The following TENM2 variants were observed in gnomAD, a reference collection of about 807,000 sequenced individuals.
TENM2 encodes the protein teneurin-2.
Under a neutral mutation model 245.2 loss-of-function variants are expected in TENM2, and 52 were observed. That is an observed-to-expected ratio of 0.21 (90% confidence interval 0.17 to 0.27). The LOEUF (loss-of-function observed/expected upper bound fraction) is 0.27, where lower values mean the gene tolerates loss of function less well. TENM2 is among the 10% of genes least tolerant of loss of function. The probability of loss-of-function intolerance (pLI) is 1.00; values close to 1 mark genes in which losing one functional copy is unlikely to be tolerated. For missense variants in TENM2, 3,046 were observed against 3,666.8 expected (o/e 0.83, Z 4.37); for synonymous variants, 1,363 against 1,438.9 (o/e 0.95, Z 1.19).
chr5:167,847,611 C>T (rs1052011414), intron 2 of TENM2, among the ~76,000 whole-genome samples: 12 of 152,340 alleles, frequency 7.9e-5, no homozygotes, highest in African/African-American at 2.9e-4. Context: ...CATACCTTCA[C>T]CTCACTGAAA....
intron 2 of TENM2, among the ~76,000 whole-genome samples, chr5:167,758,087 TC>T (rs1561746518): frequency 6.6e-6 from 1 of 152,126 alleles, no homozygotes; most frequent in Non-Finnish European, 1.5e-5. Flanking sequence ...TTTTATACTT[TC>T]CTTTTTAAAG....
At chr5:167,560,150 G>A (rs555020460) in intron 2 of TENM2, among the ~76,000 whole-genome samples, 1 of 152,302 alleles carries the variant, frequency 6.6e-6, no homozygotes, top group Admixed American at 6.5e-5. Flanking sequence ...GAGCTGGTTA[G>A]CAATACAGAA....
At chr5:167,757,526 A>G (rs1340287948) in intron 2 of TENM2, among the ~76,000 whole-genome samples, 2 of 152,142 alleles carry the variant, frequency 1.3e-5, no homozygotes, top group East Asian at 1.9e-4. Context: ...AGTCTTTGCT[A>G]TTGTGAATAG....
At position 167,440,227 on chromosome 5, in the gene TENM2, G is replaced by C. The variant is rs186765492; in HGVS notation, c.502+64754G>C. 2.2e-4 allele frequency among the ~76,000 whole-genome samples: 33 copies of C among 152,228 alleles called. No homozygotes were observed. In the East Asian group the frequency reaches 6.2e-3, roughly 29 times the overall value. On this transcript the variant is annotated intron_variant, in intron 2 of 28. Transcript: ENST00000518659. ...ATCATTCTACTTATAACAATGTAATGAAAATAAATGTTTTTTTGTTATTGA... is the reference window on the plus strand; with the variant it reads ...ATCATTCTACTTATAACAATGTAATCAAAATAAATGTTTTTTTGTTATTGA...
intron 2 of TENM2, among the ~76,000 whole-genome samples, chr5:167,842,835 C>T (rs770890078): frequency 6.6e-6 from 1 of 152,134 alleles, no homozygotes; most frequent in Non-Finnish European, 1.5e-5. Context: ...TCATCAAACG[C>T]TGATTGGATG....
At chr5:167,786,278 G>A (rs1764575705) in intron 2 of TENM2, among the ~76,000 whole-genome samples, 1 of 152,100 alleles carries the variant, frequency 6.6e-6, no homozygotes, top group African/African-American at 2.4e-5. Context: ...GCTGGCTTTG[G>A]CAAAAATTAA....
chr5:167,088,392 T>C, the TENM2 span, among the ~76,000 whole-genome samples: 1 of 152,116 alleles, frequency 6.6e-6, no homozygotes, highest in Non-Finnish European at 1.5e-5. Context: ...TGTGGGAGGC[T>C]GAGGATGGTG....
At chr5:167,310,627 A>G (rs1349454669) in intron 1 of TENM2, among the ~76,000 whole-genome samples, 1 of 152,004 alleles carries the variant, frequency 6.6e-6, no homozygotes, top group African/African-American at 2.4e-5. Flanking sequence ...ATAAAACAAA[A>G]ACAAAAAACA....
chr5:167,231,224 G>A, the TENM2 span, among the ~76,000 whole-genome samples: 2 of 152,154 alleles, frequency 1.3e-5, no homozygotes, highest in African/African-American at 2.4e-5. Flanking sequence ...TGCAGCAAAG[G>A]TACCCGAAAA....
the TENM2 span, among the ~76,000 whole-genome samples, chr5:167,247,659 A>T: frequency 2.0e-5 from 3 of 152,186 alleles, no homozygotes; most frequent in African/African-American, 7.2e-5. Context: ...CTAGTTAAAA[A>T]GAACAAACCC....
chr5:167,827,695 G>A (rs7447131), intron 2 of TENM2, among the ~76,000 whole-genome samples: 139,413 of 146,050 alleles, frequency 0.95, 66,908 homozygotes, highest in Middle Eastern at 1. Flanking sequence ...CTTCTTACCT[G>A]AGGAAACTGT....
chr5:168,217,784 T>G (rs1343685309), intron 22 of TENM2, among the ~76,000 whole-genome samples: 1 of 152,138 alleles, frequency 6.6e-6, no homozygotes, highest in African/African-American at 2.4e-5. Context: ...CTGGATGGCA[T>G]GGTCTCTTGT....
At position 168,137,115 on chromosome 5, in the gene TENM2, A is replaced by G. The variant is rs529292740; in HGVS notation, c.2422+10149A>G. On this transcript the variant is annotated intron_variant, in intron 12 of 28. Transcript: ENST00000518659. ...GTACGTCCTGCCAGTTCCCAGAGAA[A>G]GAAAGGGTTAACCAATGGTCTAGAG... 2.0e-5 allele frequency among the ~76,000 whole-genome samples: 3 copies of G among 152,334 alleles called. No homozygotes were observed. The South Asian group carries it at 6.2e-4, about 32-fold the overall frequency.
intron 2 of TENM2, among the ~76,000 whole-genome samples, chr5:167,476,355 G>C (rs1216985176): frequency 6.6e-6 from 1 of 152,056 alleles, no homozygotes; most frequent in Non-Finnish European, 1.5e-5. Context: ...AGTACACTTT[G>C]GTCATTAGGA....
intron 12 of TENM2, among the ~76,000 whole-genome samples, chr5:168,134,569 C>T (rs1237261870): frequency 1.3e-5 from 2 of 152,168 alleles, no homozygotes; most frequent in Non-Finnish European, 2.9e-5. Flanking sequence ...CACCTGTAAT[C>T]CTAGCTACTC....
the TENM2 span, among the ~76,000 whole-genome samples, chr5:167,013,051 G>A: frequency 6.6e-6 from 1 of 152,168 alleles, no homozygotes; most frequent in Non-Finnish European, 1.5e-5. Context: ...GTGGGCTTAT[G>A]TGAAGAGTTT....
intron 2 of TENM2, among the ~76,000 whole-genome samples, chr5:167,590,875 A>G (rs1185103336): frequency 2.0e-5 from 3 of 152,216 alleles, no homozygotes; most frequent in Non-Finnish European, 4.4e-5. Context: ...TTTGCATACA[A>G]TGATGTAAGA....
chr5:167,265,493 A>C, the TENM2 span, among the ~76,000 whole-genome samples: 2 of 152,094 alleles, frequency 1.3e-5, no homozygotes, highest in East Asian at 3.9e-4. Context: ...TATTGAGCTT[A>C]ATGGGTTCCA....
intron 2 of TENM2, among the ~76,000 whole-genome samples, chr5:167,827,885 G>A (rs1768122142): frequency 6.6e-6 from 1 of 152,182 alleles, no homozygotes; most frequent in East Asian, 1.9e-4. Context: ...CCCCTGCTGT[G>A]CCCTGTAGGA....
Sources: gnomAD v4.1 joint callset for allele counts (sites outside exome capture counted in the v4.1 genomes callset) on GRCh38, gnomAD v4.1.1 for gene constraint, MANE v1.5 for transcripts, NCBI Gene and HGNC (gene_info 2026-07-23, HGNC 2026-07-21) for gene names.